The following MCC variants were observed in gnomAD, a reference collection of about 807,000 sequenced individuals.
MCC encodes colorectal mutant cancer protein.
MCC carries 90 observed loss-of-function variants against 116.2 expected under a neutral mutation model. That is an observed-to-expected ratio of 0.77 (90% confidence interval 0.65 to 0.92). The LOEUF (loss-of-function observed/expected upper bound fraction) is 0.92. Among genes scored for constraint, MCC ranks in the 40% least tolerant of loss-of-function variants. MCC has a pLI of 0.00. For missense variants in MCC, 1,516 were observed against 1,312.2 expected (o/e 1.16, Z -2.40); for synonymous variants, 578 against 510.5 (o/e 1.13, Z -1.78).
intron 3 of MCC, among the ~76,000 whole-genome samples, chr5:113,167,033 G>A (rs908204170): frequency 3.3e-5 from 5 of 152,276 alleles, no homozygotes; most frequent in South Asian, 2.1e-4. Context: ...CAGTCGGGGC[G>A]AGTCTCATCT....
intron 6 of MCC, among the ~76,000 whole-genome samples, chr5:113,121,243 C>A (rs1055025177): frequency 1.9e-4 from 29 of 152,314 alleles, no homozygotes; most frequent in African/African-American, 6.7e-4. Flanking sequence ...ATTCTTTCTC[C>A]ACACTACAGT....
In MCC at chr5:113,488,375, T is replaced by TGGAGCTCCCCGCAGCCGCTGCC; in HGVS notation, c.18_39dup (p.Ser14GlyfsTer53). 2.0e-6 allele frequency: 3 copies of TGGAGCTCCCCGCAGCCGCTGCC among 1,485,576 alleles called. No homozygotes were observed. Among genetic ancestry groups the TGGAGCTCCCCGCAGCCGCTGCC allele is most frequent in the Non-Finnish European group, 2.7e-6 (3 of 1,120,286 alleles). 92.0% of individuals were successfully genotyped at this position (1,485,576 alleles called of 1,614,324 possible). ...CTGCCGCCGCCGCCGCCGCCGCTGC[T>TGGAGCTCCCCGCAGCCGCTGCC]GGAGCTCCCCGCAGCCGCTGCCGCC... On this transcript the variant is annotated frameshift_variant, in exon 1 of 19. Coordinates refer to ENST00000408903, the MANE Select transcript of MCC (RefSeq NM_001085377.2). LOFTEE classifies it high-confidence loss of function.
chr5:113,478,059 C>T (rs188998650), intron 1 of MCC, among the ~76,000 whole-genome samples: 6 of 152,210 alleles, frequency 3.9e-5, no homozygotes, highest in East Asian at 1.9e-4. Flanking sequence ...AAATACAGTA[C>T]GAATACAATA....
intron 16 of MCC, among the ~76,000 whole-genome samples, chr5:113,048,124 C>G (rs6894948): frequency 0.031 from 4,701 of 152,272 alleles, 170 homozygotes; most frequent in African/African-American, 0.087. Flanking sequence ...CCTCATTTTT[C>G]TCATGTAAAT....
chr5:113,217,874 C>A (rs796866731), intron 3 of MCC, among the ~76,000 whole-genome samples: 32 of 152,260 alleles, frequency 2.1e-4, no homozygotes, highest in African/African-American at 7.7e-4. Flanking sequence ...GACATGAGCA[C>A]ATGAGTGTGC....
At chr5:113,095,232 C>A (rs375313430) in intron 8 of MCC, among the ~76,000 whole-genome samples, 10 of 152,074 alleles carry the variant, frequency 6.6e-5, no homozygotes, top group African/African-American at 2.2e-4. Context: ...CAAGGGTGGA[C>A]AGAAGGCTAC....
intron 3 of MCC, among the ~76,000 whole-genome samples, chr5:113,340,215 G>C (rs1019971261): frequency 1.3e-5 from 2 of 152,176 alleles, no homozygotes; most frequent in African/African-American, 4.8e-5. Flanking sequence ...GTAATGTCTA[G>C]AACCATAGAA....
chr5:113,269,598 T>A (rs1038850958), intron 3 of MCC, among the ~76,000 whole-genome samples: 4 of 152,228 alleles, frequency 2.6e-5, no homozygotes, highest in Non-Finnish European at 5.9e-5. Flanking sequence ...TACAGTCACA[T>A]GCTCAGGATG....
chr5:113,089,985 G>T (rs1317418852), intron 8 of MCC, among the ~76,000 whole-genome samples: 1 of 152,120 alleles, frequency 6.6e-6, no homozygotes, highest in Non-Finnish European at 1.5e-5. Context: ...AAAACAACTG[G>T]GTATGTAAGA....
intron 1 of MCC, among the ~76,000 whole-genome samples, chr5:113,387,341 T>A (rs1484644700): frequency 6.6e-6 from 1 of 152,200 alleles, no homozygotes; most frequent in Non-Finnish European, 1.5e-5. Context: ...GTTTGTTTGG[T>A]TTTTAAAGTA....
intron 2 of MCC, among the ~76,000 whole-genome samples, chr5:113,384,698 G>A (rs1452447780): frequency 2.6e-5 from 4 of 152,142 alleles, no homozygotes; most frequent in East Asian, 3.9e-4. Context: ...TTATGCATTT[G>A]CCCTTCTTCC....
At chr5:113,066,451 A>T (rs1021268753) in intron 13 of MCC, among the ~76,000 whole-genome samples, 1 of 152,244 alleles carries the variant, frequency 6.6e-6, no homozygotes, top group Admixed American at 6.5e-5. Flanking sequence ...AAATGCTGGC[A>T]GAGTTTCTAC....
intron 3 of MCC, among the ~76,000 whole-genome samples, chr5:113,228,290 T>C (rs554762980): frequency 4.7e-4 from 71 of 152,312 alleles, no homozygotes; most frequent in Admixed American, 1.7e-3. Context: ...GGACCCATGC[T>C]GTCTCGTGAG....
intron 8 of MCC, 34 bp from the exon 9 acceptor site, chr5:113,085,344 GT>G: frequency 6.4e-7 from 1 of 1,574,074 alleles, no homozygotes; most frequent in Non-Finnish European, 8.7e-7. Context: ...ATAGTTGGTG[GT>G]TTCCCTGGCT....
chr5:113,409,243 C>T (rs1463295925), intron 1 of MCC, among the ~76,000 whole-genome samples: 1 of 152,232 alleles, frequency 6.6e-6, no homozygotes, highest in African/African-American at 2.4e-5. Flanking sequence ...GAAATGTACT[C>T]TGATTTTCAT....
rs187455716 is a variant in MCC at position 113,075,415 on chromosome 5, A to G, written c.1785-4181T>C. 1.7e-3 allele frequency among the ~76,000 whole-genome samples: 256 copies of G among 152,210 alleles called. 2 individuals are homozygous for G. The highest frequency in any genetic ancestry group is 5.7e-3 in the African/African-American group (238 of 41,530). The stretch of plus-strand genomic sequence containing the variant: ...CCCATCGACCGCCCAAGGGCTGAGG[A>G]GTGTGGGTGCATGGCACGGGACTGG... On this transcript the variant is annotated intron_variant, in intron 11 of 18. Transcript: ENST00000408903.
At chr5:113,469,232 ATG>A (rs1319118755) in intron 1 of MCC, among the ~76,000 whole-genome samples, 6 of 152,000 alleles carry the variant, frequency 3.9e-5, no homozygotes, top group Admixed American at 1.3e-4. Flanking sequence ...TAGCTTTTGA[ATG>A]TGTTTGCTCT....
intron 2 of MCC, among the ~76,000 whole-genome samples, chr5:113,350,561 A>T (rs1439109372): frequency 3.3e-5 from 5 of 152,188 alleles, no homozygotes; most frequent in African/African-American, 1.2e-4. Flanking sequence ...GTTAAATCTA[A>T]GATTTCAAAC....
At chr5:113,156,912 C>G (rs1404866042) in intron 3 of MCC, among the ~76,000 whole-genome samples, 1 of 152,174 alleles carries the variant, frequency 6.6e-6, no homozygotes, top group African/African-American at 2.4e-5. Context: ...ACTCTAAGGA[C>G]AAGCCCTCTT....
Sources: allele counts gnomAD v4.1 joint callset (sites outside exome capture counted in the v4.1 genomes callset), GRCh38; gene constraint gnomAD v4.1.1; transcripts MANE v1.5; gene names NCBI Gene and HGNC (gene_info 2026-07-23, HGNC 2026-07-21).